ENOX2: variants seen among roughly 807,000 people sequenced by gnomAD.
ENOX2 encodes the protein ecto-NOX disulfide-thiol exchanger 2, also known as APK1 antigen.
Under a neutral mutation model 45.0 loss-of-function variants are expected in ENOX2, and 36 were observed. That is an observed-to-expected ratio of 0.80 (90% CI 0.61 to 1.06). ENOX2 has a LOEUF of 1.06. Among genes scored for constraint, ENOX2 ranks in the 50% least tolerant of loss-of-function variants. The pLI, the probability that ENOX2 is intolerant of heterozygous loss-of-function variation, is 0.00. For synonymous variants in ENOX2, 174 were observed against 152.3 expected (o/e 1.14, Z -1.05); for missense variants, 423 against 462.5 (o/e 0.91, Z 0.78).
intron 13 of ENOX2, among the ~76,000 whole-genome samples, chrX:130,630,339 G>A (rs1273395466): frequency 9.0e-6 from 1 of 111,248 alleles, no homozygotes; most frequent in Non-Finnish European, 1.9e-5. Context: ...GTTAAGATGA[G>A]TGGTAGCTGG....
intron 14 of ENOX2, among the ~76,000 whole-genome samples, chrX:130,627,299 G>A (rs1430306527): frequency 8.9e-6 from 1 of 112,025 alleles, no homozygotes; most frequent in Admixed American, 9.4e-5. Context: ...AGTTTGATGG[G>A]GCCGGGTACG....
intron 2 of ENOX2, among the ~76,000 whole-genome samples, chrX:130,787,605 G>A (rs1442983291): frequency 1.8e-5 from 2 of 111,453 alleles, no homozygotes; most frequent in Non-Finnish European, 3.8e-5. Flanking sequence ...AAAATCTAAT[G>A]AGTTAAAGGT....
At chrX:130,699,045 A>G (rs932781939) in intron 4 of ENOX2, among the ~76,000 whole-genome samples, 11 of 112,134 alleles carry the variant, frequency 9.8e-5, no homozygotes, top group Non-Finnish European at 2.1e-4. Context: ...GGGCAGAACA[A>G]TGTTCTTTAA....
At chrX:130,633,996 T>C (rs756340779) in intron 12 of ENOX2, among the ~76,000 whole-genome samples, 3 of 112,288 alleles carry the variant, frequency 2.7e-5, no homozygotes, top group Non-Finnish European at 3.8e-5. Context: ...ACGTTGCAAA[T>C]GGCCTCTAGA....
chrX:130,652,429 G>A (rs1489713609), intron 10 of ENOX2, among the ~76,000 whole-genome samples: 3 of 111,320 alleles, frequency 2.7e-5, no homozygotes, highest in Middle Eastern at 4.7e-3. Flanking sequence ...GGCTTCAGCC[G>A]ATACCTCTAC....
In ENOX2 at chrX:130,630,637, C is replaced by T. The variant is rs976148784; in HGVS notation, c.1528+831G>A. Reference sequence around the variant, plus strand: ...TTCCATTGTATCCTTTATGCTAAATCAGTAAGAGTAAGTAAGGCACTTTCC... The same window carrying T: ...TTCCATTGTATCCTTTATGCTAAATTAGTAAGAGTAAGTAAGGCACTTTCC... On this transcript the variant is annotated intron_variant, in intron 13 of 14. Transcript: ENST00000394363. 8.1e-5 allele frequency among the ~76,000 whole-genome samples: 9 copies of T among 111,646 alleles called. No homozygotes were observed. The Admixed American group carries it at 8.6e-4, about 11-fold the overall frequency.
At chrX:130,678,900 C>T (rs1041487642) in intron 6 of ENOX2, among the ~76,000 whole-genome samples, 1 of 111,312 alleles carries the variant, frequency 9.0e-6, no homozygotes, top group African/African-American at 3.3e-5. Context: ...TACTTTTGTG[C>T]CAGGTTATGT....
intron 2 of ENOX2, among the ~76,000 whole-genome samples, chrX:130,893,144 GC>G (rs1180853273): frequency 1.8e-5 from 2 of 112,165 alleles, no homozygotes; most frequent in Non-Finnish European, 1.9e-5. Flanking sequence ...GTGAATCTGA[GC>G]AAATGGTATA....
chrX:130,821,834 G>A (rs2077618707), intron 2 of ENOX2, among the ~76,000 whole-genome samples: 1 of 103,099 alleles, frequency 9.7e-6, no homozygotes, highest in African/African-American at 3.5e-5. Flanking sequence ...GGGAGGCCGA[G>A]GCAGGTGGAT....
At chrX:130,753,121 A>T (rs2039267008) in intron 3 of ENOX2, among the ~76,000 whole-genome samples, 1 of 107,032 alleles carries the variant, frequency 9.3e-6, no homozygotes, top group Non-Finnish European at 1.9e-5. Context: ...TTTCTTCTTG[A>T]CTTTCTTTCT....
At chrX:130,862,806 A>C (rs2078430240) in intron 2 of ENOX2, among the ~76,000 whole-genome samples, 1 of 111,766 alleles carries the variant, frequency 8.9e-6, no homozygotes, top group African/African-American at 3.3e-5. Context: ...GTTTAACCTT[A>C]AGAAGAATAA....
chrX:130,743,136 G>A (rs749350102), intron 3 of ENOX2, among the ~76,000 whole-genome samples: 4 of 111,632 alleles, frequency 3.6e-5, no homozygotes, highest in Admixed American at 9.5e-5. Context: ...CCAAAACTAC[G>A]AAAGCGGAAC....
intron 3 of ENOX2, among the ~76,000 whole-genome samples, chrX:130,759,461 G>A (rs781296018): frequency 3.8e-4 from 41 of 108,474 alleles, no homozygotes; most frequent in Non-Finnish European, 6.5e-4. Flanking sequence ...GTGTAGTGGC[G>A]TGTGCCTGCA....
chrX:130,851,501 G>C (rs930324673), intron 2 of ENOX2, among the ~76,000 whole-genome samples: 12 of 108,245 alleles, frequency 1.1e-4, no homozygotes, highest in Non-Finnish European at 1.1e-4. Context: ...TAAGTAAATG[G>C]ATGTATTTTT....
At position 130,631,513 on chromosome X, in the gene ENOX2, T is replaced by C. The variant is rs1175384094; in HGVS notation, c.1483A>G (p.Met495Val). The C allele has an allele frequency of 8.3e-7, 1 of 1,206,809 alleles. No homozygotes were observed. The highest frequency in any genetic ancestry group is 1.8e-5 in the South Asian group (1 of 56,856). Reference protein sequence around the residue: ...QDSEYPLEKTMNSSPIKSERE... With the variant: ...QDSEYPLEKTVNSSPIKSERE... ...TCAGATTTGATAGGACTGCTGTTCA[T>C]GGTCTTCTCAAGAGGGTATTCGCTA... The change falls in exon 13 of 15, where the codon ATG becomes GTG. Residue 495 changes from methionine (M) to valine (V), a missense_variant. By Grantham distance (21) the Met-to-Val change is conservative (BLOSUM62 1). Around this residue, in one of 5 missense-constraint regions of ENOX2, gnomAD observed 108 missense variants for 70.6 expected, o/e 1.53. Transcript: ENST00000394363.
At chrX:130,705,131 T>C (rs768760216) in intron 3 of ENOX2, among the ~76,000 whole-genome samples, 1 of 112,478 alleles carries the variant, frequency 8.9e-6, no homozygotes, top group African/African-American at 3.2e-5. Context: ...GTCTACACTC[T>C]GATTTTCTCT....
intron 2 of ENOX2, among the ~76,000 whole-genome samples, chrX:130,819,804 A>T (rs2077563131): frequency 9.0e-6 from 1 of 111,503 alleles, no homozygotes; most frequent in Admixed American, 9.5e-5. Context: ...TGGCACGTGT[A>T]TACCTATATA....
Position 130,667,640 on chromosome X carries a change from G to T in ENOX2, c.797C>A (p.Ser266Ter), listed in dbSNP as rs759365981. 8.3e-7 allele frequency: 1 copy of T among 1,211,034 alleles called. No homozygotes were observed. The highest frequency in any genetic ancestry group is 1.1e-6 in the Non-Finnish European group (1 of 894,699). Residue 266 changes from serine (S) to a stop codon, truncating the protein, a stop_gained, in exon 8 of 15, where the codon TCG becomes TAG. Coordinates refer to ENST00000394363, the MANE Select transcript of ENOX2 (RefSeq NM_006375.4). LOFTEE classifies it high-confidence loss of function. Reference protein sequence around the residue: ...SANNFYSMIQSANSHVRRLVN... With the variant: ...SANNFYSMIQ ...CAGGCGGCGGACATGGCTGTTGGCCGACTGGATCATGGAGTAGAAGTTATT... is the reference window on the plus strand; with the variant it reads ...CAGGCGGCGGACATGGCTGTTGGCCTACTGGATCATGGAGTAGAAGTTATT...
At chrX:130,783,718 C>G (rs1427720179) in intron 2 of ENOX2, 28 bp from the exon 3 acceptor site, 2 of 282,034 alleles carry the variant, frequency 7.1e-6, no homozygotes, top group Admixed American at 4.5e-5. Context: ...AGCCAAAGTC[C>G]AGACTCCATT....
Sources: gnomAD v4.1 joint callset for allele counts (sites outside exome capture counted in the v4.1 genomes callset) on GRCh38, gnomAD v4.1.1 for gene constraint, gnomAD v4.1.1 regional missense constraint, MANE v1.5 for transcripts, NCBI Gene and HGNC (gene_info 2026-07-23, HGNC 2026-07-21) for gene names.